SP2: variants seen among roughly 807,000 people sequenced by gnomAD.
SP2 encodes the protein Sp2 transcription factor.
In SP2, 9 loss-of-function variants were observed where a neutral mutation model predicts 50.1. The ratio of observed to expected loss-of-function variants is 0.18; its 90% CI spans 0.11 to 0.31. The LOEUF (loss-of-function observed/expected upper bound fraction) is 0.31, where lower values mean the gene tolerates loss of function less well. Among genes scored for constraint, SP2 ranks in the 10% least tolerant of loss-of-function variants. SP2 has a pLI of 1.00. For missense variants in SP2, 581 were observed against 806.5 expected, an observed-to-expected ratio of 0.72 and a Z score of 3.39; for synonymous variants, 313 against 326.6, an observed-to-expected ratio of 0.96 and a Z score of 0.45.
chr17:47,922,576 A>T (rs2035502168), intron 3 of SP2, among the ~76,000 whole-genome samples: 1 of 151,094 alleles, frequency 6.6e-6, no homozygotes, highest in African/African-American at 2.4e-5. Context: ...TAAGTGCAGT[A>T]GAGGAATCAT....
chr17:47,929,859 G>A (rs1446431880), downstream of SP2: 1 of 152,592 alleles, frequency 6.6e-6, no homozygotes, highest in Admixed American at 6.5e-5. Context: ...TTCTGTTCAG[G>A]AGTGGCGAGG....
In SP2 at chr17:47,916,500, C is replaced by T; in HGVS notation, c.429C>T (p.Ser143=). 1 of 1,614,054 alleles carries T rather than the reference C, an allele frequency of 6.2e-7. No individual in the cohort carries two copies. Among genetic ancestry groups the T allele is most frequent in the South Asian group, 1.1e-5 (1 of 91,072 alleles). ...TCCCTCAGATTCAGGCAAGCAATTC[C>T]CAAACCATCCAAGTACAGCCCAATC... The part of the protein sequence containing the change: ...QAVPQIQASN[S]QTIQVQPNLT... The change falls in exon 3 of 7, where the codon TCC becomes TCT. Residue 143 remains serine, a synonymous_variant. Transcript: ENST00000376741. The surrounding 1 kb of genome is among the most constrained non-coding windows in gnomAD (Gnocchi z 4.7).
At chr17:47,896,314 G>T (rs1400692982) in intron 1 of SP2, 21 bp downstream of exon 1, 6 of 1,236,970 alleles carry the variant, frequency 4.9e-6, no homozygotes, top group Non-Finnish European at 6.1e-6. Flanking sequence ...GCCGCTGCCG[G>T]CGGGGTCTTC....
chr17:47,909,797 C>T (rs1352263049), intron 1 of SP2: 1 of 439,706 alleles, frequency 2.3e-6, no homozygotes, highest in Non-Finnish European at 3.0e-6. Context: ...AACTCTAATA[C>T]TAATACCCAT....
At chr17:47,924,407 G>A (rs1325884050) in intron 4 of SP2, among the ~76,000 whole-genome samples, 1 of 152,206 alleles carries the variant, frequency 6.6e-6, no homozygotes, top group South Asian at 2.1e-4. Context: ...TGGGATTACA[G>A]CTATGAGCCA....
At chr17:47,906,328 C>G (rs2034760663) in intron 1 of SP2, among the ~76,000 whole-genome samples, 1 of 152,182 alleles carries the variant, frequency 6.6e-6, no homozygotes, top group Non-Finnish European at 1.5e-5. Flanking sequence ...AGAGAGGCTG[C>G]TTTAACCCAG....
chr17:47,910,423 G>A (rs1598124889), intron 1 of SP2, among the ~76,000 whole-genome samples: 1 of 152,184 alleles, frequency 6.6e-6, no homozygotes, highest in South Asian at 2.1e-4. Context: ...ACTGTGGTTC[G>A]TGGTCTGATA....
intron 1 of SP2, among the ~76,000 whole-genome samples, chr17:47,910,876 G>T (rs957692785): frequency 6.6e-6 from 1 of 152,188 alleles, no homozygotes; most frequent in African/African-American, 2.4e-5. Context: ...CCTGAAATGT[G>T]CAGGACTTGG....
chr17:47,898,001 G>T, intron 1 of SP2: 16 of 355,308 alleles, frequency 4.5e-5, no homozygotes, highest in Non-Finnish European at 6.3e-5. Flanking sequence ...GCAACTACAA[G>T]AAAAAAAGCG....
chr17:47,917,719 A>G (rs1293730031), intron 3 of SP2: 11 of 409,266 alleles, frequency 2.7e-5, no homozygotes, highest in South Asian at 1.0e-4. Flanking sequence ...GGCTCAAGCA[A>G]TCCTCCCACC....
At chr17:47,905,000 G>A (rs1048782237) in intron 1 of SP2, among the ~76,000 whole-genome samples, 13 of 152,098 alleles carry the variant, frequency 8.5e-5, no homozygotes, top group Admixed American at 8.5e-4. Flanking sequence ...TTGAACCCCT[G>A]GCCTCAAGTG....
chr17:47,897,578 C>A (rs916802827), intron 1 of SP2: 1 of 152,186 alleles, frequency 6.6e-6, no homozygotes, highest in African/African-American at 2.4e-5. Flanking sequence ...CATGCTGTAC[C>A]CCAGAAGGCA....
At chr17:47,931,620 G>A (rs1235111840), downstream of SP2, among the ~76,000 whole-genome samples, 2 of 152,164 alleles carry the variant, frequency 1.3e-5, no homozygotes, top group Non-Finnish European at 1.5e-5. Flanking sequence ...CTTTAAGGTT[G>A]CCCCTTAAAG....
intron 1 of SP2, among the ~76,000 whole-genome samples, chr17:47,897,021 C>T (rs570236250): frequency 6.6e-6 from 1 of 152,360 alleles, no homozygotes; most frequent in African/African-American, 2.4e-5. Context: ...AGTTTGAGAA[C>T]TTCTTGCCAG....
chr17:47,904,383 T>C (rs1456947162), intron 1 of SP2, among the ~76,000 whole-genome samples: 1 of 151,782 alleles, frequency 6.6e-6, no homozygotes, highest in African/African-American at 2.4e-5. Context: ...TTGGAGCAGG[T>C]TTAAGAAAAG....
intron 3 of SP2, among the ~76,000 whole-genome samples, chr17:47,917,380 T>G (rs1386358794): frequency 6.6e-6 from 1 of 152,182 alleles, no homozygotes; most frequent in East Asian, 1.9e-4. Flanking sequence ...TAGGTTGTTT[T>G]TTTTCAGGGG....
At chr17:47,899,522 G>A (rs2034458068) in intron 1 of SP2, 1 of 152,176 alleles carries the variant, frequency 6.6e-6, no homozygotes, top group South Asian at 2.1e-4. Context: ...GTATTGTCAG[G>A]CCATGTAGGA....
chr17:47,904,843 C>G (rs929194668), intron 1 of SP2, among the ~76,000 whole-genome samples: 10 of 152,174 alleles, frequency 6.6e-5, no homozygotes, highest in Admixed American at 3.3e-4. Flanking sequence ...AATCATGGCT[C>G]ACTGCAGCCT....
At chr17:47,922,026 G>A (rs2035478857) in intron 3 of SP2, among the ~76,000 whole-genome samples, 1 of 152,174 alleles carries the variant, frequency 6.6e-6, no homozygotes. Context: ...TGAAACCCAT[G>A]AGTTTCCACC....
Sources: allele counts gnomAD v4.1 joint callset (sites outside exome capture counted in the v4.1 genomes callset), GRCh38; gene constraint gnomAD v4.1.1; non-coding constraint Gnocchi (gnomAD v3.1); transcripts MANE v1.5; gene names NCBI Gene and HGNC (gene_info 2026-07-23, HGNC 2026-07-21).